Variants in RUNDC3A observed in about 807,000 individuals in gnomAD.
The protein encoded by RUNDC3A is RUN domain-containing protein 3A.
Under a neutral mutation model 53.9 loss-of-function variants are expected in RUNDC3A, and 28 were observed. That is an observed-to-expected ratio of 0.52 (90% CI 0.38 to 0.71). The LOEUF is 0.71. RUNDC3A is among the 30% of genes least tolerant of loss of function. The pLI is 0.00. For missense variants in RUNDC3A, 491 were observed against 597.3 expected (o/e 0.82, Z 1.85); for synonymous variants, 232 against 249.4 (o/e 0.93, Z 0.66).
chr17:44,316,182 A>G (rs954020952), intron 8 of RUNDC3A, among the ~76,000 whole-genome samples: 7 of 151,634 alleles, frequency 4.6e-5, no homozygotes, highest in African/African-American at 1.7e-4. Flanking sequence ...CCAACTCCCA[A>G]TATTTGTGCA....
At position 44,308,746 on chromosome 17, in the gene RUNDC3A, G is replaced by T. The variant is rs1164866390; in HGVS notation, c.-87G>T. ...GGGTTGAGGGGCCCCGTCGGACAGAGGGCCCAGCCGTGATCCAGCGACGGG... is the reference window on the plus strand; with the variant it reads ...GGGTTGAGGGGCCCCGTCGGACAGATGGCCCAGCCGTGATCCAGCGACGGG... On this transcript the variant is annotated 5_prime_UTR_variant, in exon 1 of 11. In the 5' UTR this introduces an upstream ATG that the reference lacks. Coordinates refer to ENST00000426726, the MANE Select transcript of RUNDC3A (RefSeq NM_001144825.2). 3.5e-6 allele frequency: 3 copies of T among 863,054 alleles called. No individual in the cohort carries two copies. In the Admixed American group the frequency reaches 8.1e-5, roughly 23 times the overall value. 53.5% of individuals were successfully genotyped at this position (863,054 alleles called of 1,614,324 possible). A position where few individuals can be genotyped will look rare whatever the true frequency, so the allele number is the denominator to read the frequency against.
In RUNDC3A at chr17:44,316,381, C is replaced by T. The variant is rs866369860; in HGVS notation, c.954-4C>T. ...CCAGGCCTGACTCCTCCTCCCCCTC[C>T]CAGGACAGGTCTGATCCCCAGTGAC... On this transcript the variant is annotated splice_region_variant and splice_polypyrimidine_tract_variant and intron_variant, in intron 8 of 10. Transcript: ENST00000426726. 2 of 1,610,846 alleles carry T rather than the reference C, an allele frequency of 1.2e-6. No individual in the cohort carries two copies. The highest frequency in any genetic ancestry group is 1.7e-6 in the Non-Finnish European group (2 of 1,177,448).
intron 8 of RUNDC3A, 137 bp from the exon 9 acceptor site, chr17:44,316,248 G>T: frequency 2.7e-6 from 2 of 728,484 alleles, no homozygotes; most frequent in Non-Finnish European, 4.5e-6. Context: ...CCGGGATCTG[G>T]CCCACTGACC....
Position 44,312,632 on chromosome 17 carries a change from T to A in RUNDC3A, c.160T>A (p.Ser54Thr). ...GTACACAGCGGAGCCCATCGATGACTCATCGGAGGAGTTTGTCAATTTTGC... is the reference window on the plus strand; with the variant it reads ...GTACACAGCGGAGCCCATCGATGACACATCGGAGGAGTTTGTCAATTTTGC... ...EKYTAEPIDD[S>T]SEEFVNFAAI... The change falls in exon 2 of 11, where the codon TCA becomes ACA. Residue 54 changes from serine (S) to threonine (T), a missense_variant. This residue lies in a region of RUNDC3A where 273 missense variants were observed against 389.0 expected (regional missense o/e 0.70). Transcript: ENST00000426726. The A allele has an allele frequency of 6.3e-7, 1 of 1,587,682 alleles. No homozygotes were observed.
rs547645700 is a variant in RUNDC3A at position 44,311,197 on chromosome 17, C to T, written c.108-1383C>T. The T allele has an allele frequency of 3.4e-5, 34 of 985,622 alleles. No homozygotes were observed. In the African/African-American group the frequency reaches 4.9e-4, roughly 14 times the overall value. The allele number at this position is 985,622 out of a possible 1,614,324, so 61.1% of individuals were successfully genotyped here. On this transcript the variant is annotated intron_variant, in intron 1 of 10. Coordinates refer to ENST00000426726, the MANE Select transcript of RUNDC3A (RefSeq NM_001144825.2). ...ACTCCAAGTTCAAAAGGAAGGGGGACGAGGGCTCAGCTGTGCAATTGGCCT... is the reference window on the plus strand; with the variant it reads ...ACTCCAAGTTCAAAAGGAAGGGGGATGAGGGCTCAGCTGTGCAATTGGCCT...
At chr17:44,314,487 G>A in intron 4 of RUNDC3A, 2 of 1,405,366 alleles carry the variant, frequency 1.4e-6, no homozygotes, top group African/African-American at 1.4e-5. Flanking sequence ...GGGTAACCCA[G>A]TACTTGATGA....
At chr17:44,313,308 GTTTC>G in intron 3 of RUNDC3A, 56 bp downstream of exon 3, 1 of 1,607,708 alleles carries the variant, frequency 6.2e-7, no homozygotes, top group Non-Finnish European at 8.5e-7. Context: ...GGGCCTGCCT[GTTTC>G]TTGGTTTTTG....
In RUNDC3A at chr17:44,315,474, G is replaced by T. The variant is rs1166742298; in HGVS notation, c.818G>T (p.Arg273Leu). ...CAGGGCTACCTGGAGGAGCTGGTGC[G>T]TCTGCGCGAGTCGCAGCTGAAGGAC... ...AQKGYLEELV[R>L]LRESQLKDLE... Residue 273 changes from arginine to leucine, a missense_variant, in exon 8 of 11, where the codon CGT (arginine) becomes CTT (leucine). Physicochemically the swap from Arg to Leu is moderately radical, Grantham distance 102. Transcript: ENST00000426726. The surrounding 1 kb of genome is among the most constrained non-coding windows in gnomAD (Gnocchi z 6.1). 7 of 1,502,136 alleles carry T rather than the reference G, an allele frequency of 4.7e-6. No homozygotes were observed. Among genetic ancestry groups the T allele is most frequent in the Non-Finnish European group, 6.2e-6 (7 of 1,126,590 alleles). 93.1% of individuals were successfully genotyped at this position (1,502,136 alleles called of 1,614,324 possible).
At chr17:44,317,455 C>A (rs768369347) in intron 10 of RUNDC3A, 1 of 780,822 alleles carries the variant, frequency 1.3e-6, no homozygotes, top group South Asian at 1.3e-5. Flanking sequence ...CTTGCCTGAC[C>A]ATTGTTTCCC....
chr17:44,318,351 C>T lies in RUNDC3A; in HGVS notation c.*113C>T, dbSNP rs1176242447. On this transcript the variant is annotated 3_prime_UTR_variant, in exon 11 of 11. Coordinates refer to ENST00000426726, the MANE Select transcript of RUNDC3A (RefSeq NM_001144825.2). The stretch of plus-strand genomic sequence containing the variant: ...ACCCTTCCAGAGAACGCTACCCACC[C>T]AGCCAGGGTTCTCTCGGGGAAGATC... 3.4e-6 allele frequency: 4 copies of T among 1,177,036 alleles called. No homozygotes were observed. The highest frequency in any genetic ancestry group is 4.8e-6 in the Non-Finnish European group (4 of 836,358). 72.9% of individuals were successfully genotyped at this position (1,177,036 alleles called of 1,614,324 possible).
chr17:44,314,310 G>A (rs914525675), intron 4 of RUNDC3A: 40 of 1,024,214 alleles, frequency 3.9e-5, no homozygotes, highest in Admixed American at 5.3e-5. Flanking sequence ...AGCTGTCTGG[G>A]TGTGGCGGGG....
chr17:44,317,519 C>T (rs200349807), intron 10 of RUNDC3A: 144 of 780,746 alleles, frequency 1.8e-4, no homozygotes, highest in Middle Eastern at 2.2e-4. Flanking sequence ...TCCCTTCGAG[C>T]GAATGCCCAG....
chr17:44,313,754 T>A, intron 4 of RUNDC3A: 1 of 1,153,526 alleles, frequency 8.7e-7, no homozygotes, highest in African/African-American at 1.6e-5. Context: ...CGATCTCGGC[T>A]CACTGCAACC....
In RUNDC3A at chr17:44,313,432, C is replaced by G; in HGVS notation, c.387C>G (p.Ile129Met). 1.2e-6 allele frequency: 2 copies of G among 1,613,938 alleles called. No individual in the cohort carries two copies. The highest frequency in any genetic ancestry group is 2.2e-5 in the East Asian group (1 of 44,884). ...ATGATTTCCAGGGCCGGGCATGGATCCGGGTGGCACTGATGGAGAAGCGCA... is the reference window on the plus strand; with the variant it reads ...ATGATTTCCAGGGCCGGGCATGGATGCGGGTGGCACTGATGGAGAAGCGCA... ...STARAKGRAW[I>M]RVALMEKRMS... The change falls in exon 4 of 11, where the codon ATC (isoleucine) becomes ATG (methionine). Residue 129 changes from isoleucine (I) to methionine (M), a missense_variant. Physicochemically the swap from Ile to Met is conservative, Grantham distance 10 (BLOSUM62 1). This residue lies in a region of RUNDC3A where 273 missense variants were observed against 389.0 expected (regional missense o/e 0.70). Transcript: ENST00000426726.
chr17:44,308,970 T>A, intron 1 of RUNDC3A, 31 bp downstream of exon 1: 1 of 1,266,788 alleles, frequency 7.9e-7, no homozygotes, highest in Non-Finnish European at 1.1e-6. Flanking sequence ...GGGGCTGGGG[T>A]GGTGAGGGAG....
At chr17:44,310,571 G>A (rs867006170) in intron 1 of RUNDC3A, 2 of 305,580 alleles carry the variant, frequency 6.5e-6, no homozygotes, top group African/African-American at 2.3e-5. Context: ...TAACCCCCAG[G>A]CCCCTACTGC....
In RUNDC3A at chr17:44,318,324, C is replaced by T. The variant is rs1192344610; in HGVS notation, c.*86C>T. 10 of 1,416,712 alleles carry T rather than the reference C, an allele frequency of 7.1e-6. No individual in the cohort carries two copies. The highest frequency in any genetic ancestry group is 1.4e-5 in the African/African-American group (1 of 70,584). 87.8% of individuals were successfully genotyped at this position (1,416,712 alleles called of 1,614,324 possible). A position where few individuals can be genotyped will look rare whatever the true frequency, so the allele number is the denominator to read the frequency against. On this transcript the variant is annotated 3_prime_UTR_variant, in exon 11 of 11. Transcript: ENST00000426726. Reference sequence around the variant, plus strand: ...TTCAACAAGAGTCCCCCAATCCAGGCTACCCTTCCAGAGAACGCTACCCAC... The same window carrying T: ...TTCAACAAGAGTCCCCCAATCCAGGTTACCCTTCCAGAGAACGCTACCCAC...
At chr17:44,311,578 A>C in intron 1 of RUNDC3A, 1 of 157,288 alleles carries the variant, frequency 6.4e-6, no homozygotes, top group Non-Finnish European at 1.4e-5. Flanking sequence ...ATAAGAAGAA[A>C]AGGACATTTC....
rs2047922391 is a variant in RUNDC3A, at chr17:44,318,577, G to C, written c.*339G>C. On this transcript the variant is annotated 3_prime_UTR_variant, in exon 11 of 11. Transcript: ENST00000426726. ...CCAGCTTCCACACCCCCACCTCCCA[G>C]TCTCTAGCCTCTCCATCTGTCTGTG... The C allele has an allele frequency of 6.7e-6, 2 of 299,236 alleles. No individual in the cohort carries two copies. Among genetic ancestry groups the C allele is most frequent in the East Asian group, 6.6e-5 (1 of 15,124 alleles). 18.5% of individuals were successfully genotyped at this position (299,236 alleles called of 1,614,324 possible). A position where few individuals can be genotyped will look rare whatever the true frequency, so the allele number is the denominator to read the frequency against.
Sources: allele counts gnomAD v4.1 joint callset (sites outside exome capture counted in the v4.1 genomes callset), GRCh38; gene constraint gnomAD v4.1.1; regional missense constraint gnomAD v4.1.1; non-coding constraint Gnocchi (gnomAD v3.1); transcripts MANE v1.5; gene names NCBI Gene and HGNC (gene_info 2026-07-23, HGNC 2026-07-21).